ADCY6: variants seen among roughly 807,000 people sequenced by gnomAD.
The protein encoded by ADCY6 is adenylate cyclase type 6.
ADCY6 carries 59 observed loss-of-function variants against 111.6 expected under a neutral mutation model. The ratio of observed to expected loss-of-function variants is 0.53; its 90% CI spans 0.43 to 0.66. ADCY6 has a LOEUF of 0.66. ADCY6 is among the 30% of genes least tolerant of loss of function. The pLI is 0.00. For missense variants in ADCY6, 1,242 were observed against 1,595.6 expected, an observed-to-expected ratio of 0.78 and a Z score of 3.78; for synonymous variants, 576 against 642.9, an observed-to-expected ratio of 0.90 and a Z score of 1.57.
At chr12:48,785,476 AG>A (rs1941964152) in intron 1 of ADCY6, among the ~76,000 whole-genome samples, 1 of 152,154 alleles carries the variant, frequency 6.6e-6, no homozygotes, top group Non-Finnish European at 1.5e-5. Flanking sequence ...AAAATTAGCC[AG>A]GCATGGTGGC....
intron 20 of ADCY6, among the ~76,000 whole-genome samples, chr12:48,769,994 C>T (rs1297391739): frequency 2.0e-5 from 3 of 151,850 alleles, no homozygotes; most frequent in Non-Finnish European, 2.9e-5. Flanking sequence ...ATCTCTTGAC[C>T]TCGTGATCCG....
chr12:48,780,851 C>T (rs1422824449), intron 2 of ADCY6, among the ~76,000 whole-genome samples: 1 of 152,210 alleles, frequency 6.6e-6, no homozygotes, highest in Non-Finnish European at 1.5e-5. Flanking sequence ...CCTAAGGGCA[C>T]GTGCTCCACA....
chr12:48,771,193 G>A lies in ADCY6; in HGVS notation c.3052-223C>T. The A allele has an allele frequency of 1.7e-6, 1 of 580,772 alleles. No individual in the cohort carries two copies. Among genetic ancestry groups the A allele is most frequent in the Non-Finnish European group, 3.1e-6 (1 of 325,754 alleles). 36.0% of individuals were successfully genotyped at this position (580,772 alleles called of 1,614,324 possible). A position where few individuals can be genotyped will look rare whatever the true frequency, so the allele number is the denominator to read the frequency against. ...ACAGCTTCAGAAGGTCCCTCCAGTAGCTCACTCACAGAACACAGACCCACA... is the reference window on the plus strand; with the variant it reads ...ACAGCTTCAGAAGGTCCCTCCAGTAACTCACTCACAGAACACAGACCCACA... On this transcript the variant is annotated intron_variant, in intron 19 of 21. Coordinates refer to ENST00000357869, the MANE Select transcript of ADCY6 (RefSeq NM_015270.5). The surrounding 1 kb of genome is among the most constrained non-coding windows in gnomAD (Gnocchi z 4.3).
At position 48,782,824 on chromosome 12, in the gene ADCY6, C is replaced by T. The variant is rs758181397; in HGVS notation, c.611G>A (p.Arg204His). ...GCTCACCACCCACATGGAGTCCTGG[C>T]GGAAGCTATGCCGGTTACACACCAC... is the stretch of plus-strand genomic sequence containing the variant. ...LMVVCNRHSF[R>H]QDSMWVVSYV... Residue 204 changes from arginine (R) to histidine (H), a missense_variant, in exon 2 of 22, where the codon CGC becomes CAC. This residue lies in a region of ADCY6 where 362 missense variants were observed against 377.2 expected (regional missense o/e 0.96). Transcript: ENST00000357869. This position sits in a 1 kb window ranked among gnomAD's most constrained non-coding sequence, Gnocchi z 4.3. 5.0e-6 allele frequency: 8 copies of T among 1,614,048 alleles called. No individual in the cohort carries two copies. In the Admixed American group the frequency reaches 8.3e-5, roughly 17 times the overall value.
intron 2 of ADCY6, among the ~76,000 whole-genome samples, chr12:48,781,845 C>T (rs1941852880): frequency 6.6e-6 from 1 of 152,202 alleles, no homozygotes; most frequent in South Asian, 2.1e-4. Context: ...AGCCTGGAGG[C>T]AGCAACAGGC....
chr12:48,782,921 C>A lies in ADCY6; in HGVS notation c.514G>T (p.Ala172Ser). The A allele has an allele frequency of 8.1e-6, 13 of 1,613,438 alleles. No individual in the cohort carries two copies. The highest frequency in any genetic ancestry group is 1.0e-5 in the Non-Finnish European group (12 of 1,179,908). Residue 172 changes from alanine (A) to serine (S), a missense_variant, in exon 2 of 22, where the codon GCA becomes TCA. Physicochemically the swap from Ala to Ser is moderately conservative, Grantham distance 99. Transcript: ENST00000357869. The surrounding 1 kb of genome is among the most constrained non-coding windows in gnomAD (Gnocchi z 4.3). ...TAGGCAGGCTGAGGGCGGGCGGGTGCGGCGTGGAAAGCCAGCAGCACCGCT... is the reference window on the plus strand; with the variant it reads ...TAGGCAGGCTGAGGGCGGGCGGGTGAGGCGTGGAAAGCCAGCAGCACCGCT... ...LTAVLLAFHAAPARPQPAYVA... is the reference protein window; with the variant it reads ...LTAVLLAFHASPARPQPAYVA...
chr12:48,775,418 T>G lies in ADCY6; in HGVS notation c.1865A>C (p.Asp622Ala). Reference sequence around the variant, plus strand: ...ACGGCTCAGGAACTCATCCACCTCATCCTCAGGGTTCAGGGCATCTTGGGT... The same window carrying G: ...ACGGCTCAGGAACTCATCCACCTCAGCCTCAGGGTTCAGGGCATCTTGGGT... ...RGTQDALNPEDEVDEFLSRAI... is the reference protein window; with the variant it reads ...RGTQDALNPEAEVDEFLSRAI... The change falls in exon 11 of 22, where the codon GAT (aspartate) becomes GCT (alanine). Residue 622 changes from aspartate (D) to alanine (A), a missense_variant. Coordinates refer to ENST00000357869, the MANE Select transcript of ADCY6 (RefSeq NM_015270.5). 1 of 1,614,022 alleles carries G rather than the reference T, an allele frequency of 6.2e-7. No homozygotes were observed. The highest frequency in any genetic ancestry group is 8.5e-7 in the Non-Finnish European group (1 of 1,179,994).
In ADCY6 at chr12:48,774,061, G is replaced by A. The variant is rs1214268829; in HGVS notation, c.2321C>T (p.Ala774Val). Residue 774 changes from alanine to valine, a missense_variant, in exon 15 of 22, where the codon GCC becomes GTC. Transcript: ENST00000357869. Reference protein sequence around the residue: ...CNHTPIRSCAARMLNLTPADI... With the variant: ...CNHTPIRSCAVRMLNLTPADI... The stretch of plus-strand genomic sequence containing the variant: ...AGCAGGTGTTAAATTCAGCATCCGG[G>A]CTGCACAGCTCCGTATGGGGGTGTG... The A allele has an allele frequency of 2.5e-6, 4 of 1,611,872 alleles. No homozygotes were observed. The South Asian group carries it at 4.4e-5, about 18-fold the overall frequency.
rs1373184112 is a variant in ADCY6, at chr12:48,773,496, T to C, written c.2594A>G (p.Tyr865Cys). ...LGPPATIFDNYDLLLGVHGLA... is the reference protein window; with the variant it reads ...LGPPATIFDNCDLLLGVHGLA... ...GCCATGGACGCCAAGCAGTAGGTCA[T>C]AGTTGTCAAAGATGGTGGCTGGGGG... The change falls in exon 16 of 22, where the codon TAT becomes TGT. Residue 865 changes from tyrosine (Y) to cysteine (C), a missense_variant. Coordinates refer to ENST00000357869, the MANE Select transcript of ADCY6 (RefSeq NM_015270.5). 1.2e-6 allele frequency: 2 copies of C among 1,613,850 alleles called. No homozygotes were observed. Among genetic ancestry groups the C allele is most frequent in the South Asian group, 1.1e-5 (1 of 91,082 alleles).
chr12:48,768,946 G>C lies in ADCY6; in HGVS notation c.3372C>G (p.Asp1124Glu), dbSNP rs891445918. The change falls in exon 21 of 22, where the codon GAC (aspartate) becomes GAG (glutamate). Residue 1124 changes from aspartate (D) to glutamate (E), a missense_variant. This residue lies in a region of ADCY6 where 245 missense variants were observed against 371.3 expected (regional missense o/e 0.66). Coordinates refer to ENST00000357869, the MANE Select transcript of ADCY6 (RefSeq NM_015270.5). Reference sequence around the variant, plus strand: ...CTCATATCCCCCTCACCTGGATTCGGTCGGGGACCCCCGTGCTGTCCATAC... The same window carrying C: ...CTCATATCCCCCTCACCTGGATTCGCTCGGGGACCCCCGTGCTGTCCATAC... ...SSRMDSTGVP[D>E]RIQVTTDLYQ... is the part of the protein sequence containing the mutation. 2 of 1,611,688 alleles carry C rather than the reference G, an allele frequency of 1.2e-6. No individual in the cohort carries two copies. The highest frequency in any genetic ancestry group is 1.7e-5 in the Admixed American group (1 of 59,534).
chr12:48,784,665 G>GTTTTTTTGT (rs1941942979), intron 1 of ADCY6, among the ~76,000 whole-genome samples: 1 of 72,294 alleles, frequency 1.4e-5, no homozygotes, highest in Non-Finnish European at 2.5e-5. Context: ...AAAATCTGGA[G>GTTTTTTTGT]TTTTTTTTTT....
chr12:48,770,621 T>C, intron 20 of ADCY6, 145 bp downstream of exon 20: 1 of 756,696 alleles, frequency 1.3e-6, no homozygotes, highest in East Asian at 2.5e-5. Context: ...CTGTTCTTAA[T>C]ATCAGACTTG....
chr12:48,768,541 C>T lies in ADCY6; in HGVS notation c.*50G>A. ...AGCTCCACCCAGTGAGCACAGAGTC[C>T]ACTCAATGCCCACCTTGGTCCCTTC... On this transcript the variant is annotated 3_prime_UTR_variant, in exon 22 of 22. Coordinates refer to ENST00000357869, the MANE Select transcript of ADCY6 (RefSeq NM_015270.5). The T allele has an allele frequency of 6.2e-7, 1 of 1,613,710 alleles. No homozygotes were observed. The highest frequency in any genetic ancestry group is 8.5e-7 in the Non-Finnish European group (1 of 1,179,698).
intron 2 of ADCY6, among the ~76,000 whole-genome samples, chr12:48,779,071 G>A (rs1013655739): frequency 4.4e-4 from 67 of 151,524 alleles, no homozygotes; most frequent in African/African-American, 1.5e-3. Context: ...TAGTAGAGAC[G>A]GGGTTTCACC....
In ADCY6 at chr12:48,776,404, CCCCACCTGGA is replaced by C; in HGVS notation, c.1535+14_1535+23del. ...GGCTCTCCCACCTTGCCCCCATCCC[CCCCACCTGGA>C]CCCCCCTACTCACCCAGCCCGGCCT... is the stretch of plus-strand genomic sequence containing the variant. On this transcript the variant is annotated intron_variant, in intron 7 of 21. Transcript: ENST00000357869. This position sits in a 1 kb window ranked among gnomAD's most constrained non-coding sequence, Gnocchi z 6.1. 1.9e-6 allele frequency: 3 copies of C among 1,612,434 alleles called. No individual in the cohort carries two copies. Among genetic ancestry groups the C allele is most frequent in the Non-Finnish European group, 2.5e-6 (3 of 1,178,712 alleles).
At position 48,770,864 on chromosome 12, in the gene ADCY6, C is replaced by T. The variant is rs769901417; in HGVS notation, c.3158G>A (p.Arg1053His). 13 of 1,614,106 alleles carry T rather than the reference C, an allele frequency of 8.1e-6. No individual in the cohort carries two copies. The highest frequency in any genetic ancestry group is 6.6e-5 in the South Asian group (6 of 91,090). The change falls in exon 20 of 22, where the codon CGC becomes CAC. Residue 1053 changes from arginine (R) to histidine (H), a missense_variant. This residue lies in a region of ADCY6 where 245 missense variants were observed against 371.3 expected (regional missense o/e 0.66). Transcript: ENST00000357869. ...GTCAGCCAGGGCAGTGATGTGGGAGCGGCCCACCTGATCGTAGGTGCTGGC... is the reference window on the plus strand; with the variant it reads ...GTCAGCCAGGGCAGTGATGTGGGAGTGGCCCACCTGATCGTAGGTGCTGGC... ...LNASTYDQVG[R>H]SHITALADYA...
rs200565303 is a variant in ADCY6 at position 48,773,933 on chromosome 12, C to T, written c.2442+7G>A. The T allele has an allele frequency of 8.7e-6, 14 of 1,613,264 alleles. No individual in the cohort carries two copies. The East Asian group carries it at 2.5e-4, about 28-fold the overall frequency. ...GCCCCCCCACCGCCTGAGCACTGCT[C>T]GAACACCTCAGGAAAGCTGCAGGTG... On this transcript the variant is annotated splice_region_variant and intron_variant, in intron 15 of 21. Coordinates refer to ENST00000357869, the MANE Select transcript of ADCY6 (RefSeq NM_015270.5).
At chr12:48,772,241 G>C in intron 18 of ADCY6, 54 bp downstream of exon 18, 1 of 1,561,212 alleles carries the variant, frequency 6.4e-7, no homozygotes, top group Non-Finnish European at 8.6e-7. Context: ...TTCTGGCCTG[G>C]CCCAGGCTCC....
In ADCY6 at chr12:48,782,306, T is replaced by C. The variant is rs1296005217; in HGVS notation, c.864+265A>G. ...TTCAGCGGGCTAAAGAGCCGGAGAC[T>C]GGGGCCCATGGTGACAGAGTTCAGG... On this transcript the variant is annotated intron_variant, in intron 2 of 21. Coordinates refer to ENST00000357869, the MANE Select transcript of ADCY6 (RefSeq NM_015270.5). The surrounding 1 kb of genome is among the most constrained non-coding windows in gnomAD (Gnocchi z 4.3). Among the ~76,000 whole-genome samples the C allele has an allele frequency of 6.6e-6, 1 of 152,114 alleles. No individual in the cohort carries two copies. Among genetic ancestry groups the C allele is most frequent in the African/African-American group, 2.4e-5 (1 of 41,430 alleles).
Sources: gnomAD v4.1 joint callset for allele counts (sites outside exome capture counted in the v4.1 genomes callset) on GRCh38, gnomAD v4.1.1 for gene constraint, gnomAD v4.1.1 regional missense constraint, Gnocchi (gnomAD v3.1) non-coding constraint, MANE v1.5 for transcripts, NCBI Gene and HGNC (gene_info 2026-07-23, HGNC 2026-07-21) for gene names.